Variants in SPART observed in about 807,000 individuals in gnomAD.
The protein encoded by SPART is spartin.
Under a neutral mutation model 58.7 loss-of-function variants are expected in SPART, and 35 were observed. That is an observed-to-expected ratio of 0.60 (90% confidence interval 0.46 to 0.79). The LOEUF (loss-of-function observed/expected upper bound fraction) is 0.79. SPART is among the 30% of genes least tolerant of loss of function. The pLI is 0.00. For missense variants in SPART, 730 were observed against 786.1 expected (o/e 0.93, Z 0.85); for synonymous variants, 284 against 280.7 (o/e 1.01, Z -0.12).
intron 2 of SPART, among the ~76,000 whole-genome samples, 174 bp from the exon 3 acceptor site, chr13:36,331,770 T>C (rs562381627): frequency 2.0e-5 from 3 of 152,194 alleles, no homozygotes; most frequent in East Asian, 1.9e-4. Flanking sequence ...AAATTAATCA[T>C]TTGCTAGTCT....
chr13:36,354,863 T>C (rs1885561173), intron 1 of SPART, among the ~76,000 whole-genome samples: 1 of 152,214 alleles, frequency 6.6e-6, no homozygotes, highest in Non-Finnish European at 1.5e-5. Context: ...TTAATCTTTT[T>C]TCACAAGAAA....
At chr13:36,316,764 C>T (rs1015817982) in intron 5 of SPART, among the ~76,000 whole-genome samples, 4 of 152,176 alleles carry the variant, frequency 2.6e-5, no homozygotes, top group Non-Finnish European at 4.4e-5. Context: ...CACACAGACG[C>T]GCATGAAATT....
Position 36,314,298 on chromosome 13 carries a change from G to C in SPART, c.1412C>G (p.Pro471Arg). 5 of 1,614,048 alleles carry C rather than the reference G, an allele frequency of 3.1e-6. No homozygotes were observed. The highest frequency in any genetic ancestry group is 4.2e-6 in the Non-Finnish European group (5 of 1,180,022). ...TATATAAAGTCCCTTGGTGACAGCT[G>C]GACTAACTTCCACGGGTTTTTCTTC... is the stretch of plus-strand genomic sequence containing the variant. Reference protein sequence around the residue: ...QPEEKPVEVSPAVTKGLYIAK... With the variant: ...QPEEKPVEVSRAVTKGLYIAK... The change falls in exon 6 of 9, where the codon CCA becomes CGA. Residue 471 changes from proline (P) to arginine (R), a missense_variant. By Grantham distance (103) the Pro-to-Arg change is moderately radical (BLOSUM62 -2). Coordinates refer to ENST00000438666, the MANE Select transcript of SPART (RefSeq NM_015087.5).
At position 36,336,815 on chromosome 13, in the gene SPART, T is replaced by A. The variant is rs117151790; in HGVS notation, c.-2-983A>T. Among the ~76,000 whole-genome samples the A allele has an allele frequency of 9.5e-3, 1,449 of 152,292 alleles. 9 individuals carry two copies. The highest frequency in any genetic ancestry group is 0.016 in the Non-Finnish European group (1,122 of 68,012). On this transcript the variant is annotated intron_variant, in intron 1 of 8. Coordinates refer to ENST00000438666, the MANE Select transcript of SPART (RefSeq NM_015087.5). ...CTCACTCATTCATACAATGCAATAA[T>A]ACACAGAAAAAAAATTTTAAACCTG...
chr13:36,329,674 CTT>C (rs1427307030), intron 3 of SPART, among the ~76,000 whole-genome samples, 157 bp from the exon 4 acceptor site: 1 of 152,178 alleles, frequency 6.6e-6, no homozygotes, highest in African/African-American at 2.4e-5. Context: ...CTACGATTCT[CTT>C]TTGTTTCATC....
At chr13:36,334,369 T>C (rs2137540739) in intron 2 of SPART, among the ~76,000 whole-genome samples, 1 of 152,290 alleles carries the variant, frequency 6.6e-6, no homozygotes, top group East Asian at 1.9e-4. Flanking sequence ...ACATCTTAAA[T>C]TATCACCACA....
chr13:36,332,932 A>C (rs1263212704), intron 2 of SPART, among the ~76,000 whole-genome samples: 1 of 152,238 alleles, frequency 6.6e-6, no homozygotes, highest in Non-Finnish European at 1.5e-5. Context: ...TAAAAATATA[A>C]AGCAAGTAAT....
At chr13:36,327,035 C>T (rs1883002435) in intron 4 of SPART, among the ~76,000 whole-genome samples, 1 of 152,082 alleles carries the variant, frequency 6.6e-6, no homozygotes, top group Non-Finnish European at 1.5e-5. Context: ...TTAGTGTGCA[C>T]ATGGTACTCA....
At chr13:36,347,715 A>T (rs183646755), upstream of SPART, among the ~76,000 whole-genome samples, 9 of 152,274 alleles carry the variant, frequency 5.9e-5, no homozygotes, top group East Asian at 1.7e-3. Context: ...TCTCACTTCC[A>T]CGTTTTTGGA....
At chr13:36,364,140 C>T (rs1040275093) in intron 1 of SPART, among the ~76,000 whole-genome samples, 1 of 152,168 alleles carries the variant, frequency 6.6e-6, no homozygotes, top group Non-Finnish European at 1.5e-5. Context: ...TCATTCTCCA[C>T]GTTATCCCTG....
rs62830962 is a variant in SPART, at chr13:36,362,804, T to A, written c.-3+7285A>T. ...AATGTGGAGGATACTTTTTTTTTTT[T>A]AAATGAGATTTTGTTCCTAGGAGAC... On this transcript the variant is annotated intron_variant, in intron 1 of 8. Transcript: ENST00000355182. Among the ~76,000 whole-genome samples the A allele has an allele frequency of 8.2e-4, 115 of 139,744 alleles. 1 individual carries two copies. In the Middle Eastern group the frequency reaches 0.018, roughly 22 times the overall value. 91.7% of individuals were successfully genotyped at this position (139,744 alleles called of 152,430 possible). A position where few individuals can be genotyped will look rare whatever the true frequency, so the allele number is the denominator to read the frequency against.
chr13:36,358,281 C>T (rs1252757623), intron 1 of SPART, among the ~76,000 whole-genome samples: 2 of 151,810 alleles, frequency 1.3e-5, no homozygotes, highest in Non-Finnish European at 2.9e-5. Flanking sequence ...GTCTTTTTTG[C>T]ATGTTTGGAT....
At position 36,310,636 on chromosome 13, in the gene SPART, C is replaced by T. The variant is rs1593221568; in HGVS notation, c.1733+1509G>A. Among the ~76,000 whole-genome samples the T allele has an allele frequency of 2.6e-5, 4 of 152,304 alleles. No individual in the cohort carries two copies. In the South Asian group the frequency reaches 6.2e-4, roughly 24 times the overall value. ...ATACTTGTTTCTCATCTCACTGACT[C>T]AAAACCCAACACACCCCCACAGCTG... On this transcript the variant is annotated intron_variant, in intron 8 of 8. Coordinates refer to ENST00000438666, the MANE Select transcript of SPART (RefSeq NM_015087.5).
chr13:36,347,076 C>G (rs1885194536), upstream of SPART, among the ~76,000 whole-genome samples: 1 of 151,782 alleles, frequency 6.6e-6, no homozygotes, highest in Non-Finnish European at 1.5e-5. Context: ...CATACTTTAC[C>G]CTTCTTGACA....
chr13:36,367,633 A>T (rs1351823641), intron 1 of SPART, among the ~76,000 whole-genome samples: 2 of 147,194 alleles, frequency 1.4e-5, no homozygotes, highest in Non-Finnish European at 3.0e-5. Context: ...AAATAATTAA[A>T]TTGGGATGAA....
At chr13:36,355,123 G>A (rs2137702146) in intron 1 of SPART, among the ~76,000 whole-genome samples, 1 of 152,310 alleles carries the variant, frequency 6.6e-6, no homozygotes, top group Non-Finnish European at 1.5e-5. Flanking sequence ...TAGAACAGAT[G>A]TGGGTATGTG....
At chr13:36,354,776 G>A (rs898926844) in intron 1 of SPART, among the ~76,000 whole-genome samples, 9 of 152,176 alleles carry the variant, frequency 5.9e-5, no homozygotes, top group African/African-American at 1.9e-4. Flanking sequence ...TCTGAGCATG[G>A]TCTTGGAGAC....
At chr13:36,352,786 CAAAAAAAA>C (rs34599910) in intron 1 of SPART, among the ~76,000 whole-genome samples, 2 of 113,384 alleles carry the variant, frequency 1.8e-5, no homozygotes, top group African/African-American at 3.5e-5. Flanking sequence ...ATCCCGTTTC[CAAAAAAAA>C]AAAAAAAAAT....
At position 36,335,522 on chromosome 13, in the gene SPART, C is replaced by A; in HGVS notation, c.309G>T (p.Leu103=). 1.2e-6 allele frequency: 2 copies of A among 1,614,132 alleles called. No homozygotes were observed. Among genetic ancestry groups the A allele is most frequent in the Non-Finnish European group, 1.7e-6 (2 of 1,180,022 alleles). ...EILEKGLATS[L]QNDLQEVPKL... is the part of the protein sequence containing the mutation. ...TGGGCACCTCCTGAAGATCATTCTGCAGAGAAGTGGCAAGACCCTTCTCTA... is the reference window on the plus strand; with the variant it reads ...TGGGCACCTCCTGAAGATCATTCTGAAGAGAAGTGGCAAGACCCTTCTCTA... The change falls in exon 2 of 9, where the codon CTG becomes CTT. Residue 103 remains leucine, a synonymous_variant. Coordinates refer to ENST00000438666, the MANE Select transcript of SPART (RefSeq NM_015087.5).
Sources: gnomAD v4.1 joint callset for allele counts (sites outside exome capture counted in the v4.1 genomes callset) on GRCh38, gnomAD v4.1.1 for gene constraint, MANE v1.5 for transcripts, NCBI Gene and HGNC (gene_info 2026-07-23, HGNC 2026-07-21) for gene names.